Variants in TFDP1 observed in about 807,000 individuals in gnomAD.
TFDP1 encodes transcription factor Dp-1.
In TFDP1, 6 loss-of-function variants were observed where a neutral mutation model predicts 48.0. The ratio of observed to expected loss-of-function variants is 0.13; its 90% CI spans 0.07 to 0.25. TFDP1 has a LOEUF of 0.25. Ranked by LOEUF, TFDP1 falls within the 10% of genes least tolerant of loss-of-function variation. The pLI, the probability that TFDP1 is intolerant of heterozygous loss-of-function variation, is 1.00. For synonymous variants in TFDP1, 201 were observed against 211.6 expected, an observed-to-expected ratio of 0.95 and a Z score of 0.44; for missense variants, 335 against 543.0, an observed-to-expected ratio of 0.62 and a Z score of 3.81.
chr13:113,603,912 G>A (rs879534404), intron 2 of TFDP1, among the ~76,000 whole-genome samples: 2 of 152,034 alleles, frequency 1.3e-5, no homozygotes, highest in Non-Finnish European at 2.9e-5. Context: ...TTAAAAACAC[G>A]AAGCTAGGCC....
chr13:113,596,991 G>A (rs1051495467), intron 2 of TFDP1, among the ~76,000 whole-genome samples: 13 of 152,174 alleles, frequency 8.5e-5, no homozygotes, highest in African/African-American at 3.1e-4. Flanking sequence ...GTCAAACCCC[G>A]CACCTGAGTC....
At chr13:113,597,082 G>C (rs1053393831) in intron 2 of TFDP1, among the ~76,000 whole-genome samples, 1 of 152,140 alleles carries the variant, frequency 6.6e-6, no homozygotes, top group African/African-American at 2.4e-5. Flanking sequence ...TCTGGCCGGG[G>C]TTGCCGCTCC....
At position 113,627,108 on chromosome 13, in the gene TFDP1, T is replaced by C. The variant is rs931329992; in HGVS notation, c.186+3822T>C. On this transcript the variant is annotated intron_variant, in intron 4 of 11. Transcript: ENST00000375370. The surrounding 1 kb of genome is among the most constrained non-coding windows in gnomAD (Gnocchi z 4.1). ...GGCAAATGTTTCTTAAACCTTTTTA[T>C]ATACCAGAGGTTTACAAAAAACTGG... Among the ~76,000 whole-genome samples the C allele has an allele frequency of 1.3e-5, 2 of 152,210 alleles. No individual in the cohort carries two copies. Among genetic ancestry groups the C allele is most frequent in the African/African-American group, 4.8e-5 (2 of 41,446 alleles).
chr13:113,635,645 G>A (rs535030211), intron 8 of TFDP1, among the ~76,000 whole-genome samples: 4 of 152,336 alleles, frequency 2.6e-5, no homozygotes, highest in Admixed American at 1.3e-4. Context: ...TGCCATGGTG[G>A]TAGGTGGTCT....
chr13:113,619,181 C>G (rs1048265932), intron 3 of TFDP1, among the ~76,000 whole-genome samples: 13 of 152,170 alleles, frequency 8.5e-5, no homozygotes, highest in African/African-American at 2.9e-4. Flanking sequence ...TGAATAGAAA[C>G]AAGAAGCCCG....
Position 113,597,426 on chromosome 13 carries a change from T to C in TFDP1, c.12+11577T>C, listed in dbSNP as rs186416442. On this transcript the variant is annotated intron_variant, in intron 2 of 11. Coordinates refer to ENST00000375370, the MANE Select transcript of TFDP1 (RefSeq NM_007111.5). ...TGGCAGCGTGTGCTGCATTTCCCTC[T>C]GGAGGATTTTCCCACCGGAACCTGT... 2.7e-4 allele frequency among the ~76,000 whole-genome samples: 41 copies of C among 152,306 alleles called. No individual in the cohort carries two copies. The East Asian group carries it at 7.8e-3, about 29-fold the overall frequency.
chr13:113,594,925 A>G (rs1024340250), intron 2 of TFDP1, among the ~76,000 whole-genome samples: 48 of 152,228 alleles, frequency 3.2e-4, no homozygotes, highest in African/African-American at 1.0e-3. Context: ...TGTGAGCTGA[A>G]TTGTTAGGGT....
chr13:113,601,358 C>T (rs1314778018), intron 2 of TFDP1, among the ~76,000 whole-genome samples: 1 of 152,262 alleles, frequency 6.6e-6, no homozygotes, highest in Admixed American at 6.5e-5. Context: ...GGTGGGATCC[C>T]GCTCCTTGTG....
chr13:113,589,541 C>G (rs1812893261), intron 2 of TFDP1, among the ~76,000 whole-genome samples: 1 of 152,226 alleles, frequency 6.6e-6, no homozygotes, highest in Non-Finnish European at 1.5e-5. Flanking sequence ...CTTTGAGTTT[C>G]TGAACTGTCC....
At chr13:113,635,761 G>A (rs1180401635) in intron 8 of TFDP1, among the ~76,000 whole-genome samples, 5 of 152,180 alleles carry the variant, frequency 3.3e-5, no homozygotes, top group African/African-American at 1.2e-4. Context: ...CTGTGCGCCC[G>A]CTTTCCCTTA....
intron 3 of TFDP1, among the ~76,000 whole-genome samples, chr13:113,619,481 C>CAAAAAAAAAAAAAAAAAAAAAAAAAAA: frequency 9.0e-6 from 1 of 110,500 alleles, no homozygotes; most frequent in Non-Finnish European, 2.0e-5. Context: ...AAAAAAAAAA[C>CAAAAAAAAAAAAAAAAAAAAAAAAAAA]AAAAAAAAAA....
intron 2 of TFDP1, among the ~76,000 whole-genome samples, chr13:113,601,918 C>T (rs1160412585): frequency 3.7e-5 from 5 of 136,532 alleles, no homozygotes; most frequent in Non-Finnish European, 7.7e-5. Context: ...GACAGAGCTA[C>T]TCCCTCTGTA....
At chr13:113,592,258 C>T (rs1013957285) in intron 2 of TFDP1, among the ~76,000 whole-genome samples, 6 of 152,234 alleles carry the variant, frequency 3.9e-5, no homozygotes, top group African/African-American at 1.2e-4. Context: ...CGGGTTCAAG[C>T]GATTCTCTGA....
At chr13:113,609,987 C>T (rs1440849661) in intron 2 of TFDP1, among the ~76,000 whole-genome samples, 1 of 152,244 alleles carries the variant, frequency 6.6e-6, no homozygotes, top group Non-Finnish European at 1.5e-5. Flanking sequence ...TGGGGACTGA[C>T]ATTTTGTTGG....
At chr13:113,609,974 C>T (rs1179779829) in intron 2 of TFDP1, among the ~76,000 whole-genome samples, 1 of 152,250 alleles carries the variant, frequency 6.6e-6, no homozygotes, top group Admixed American at 6.5e-5. Flanking sequence ...AGAGCCCGGC[C>T]TCTGGGGACT....
At position 113,627,615 on chromosome 13, in the gene TFDP1, G is replaced by T. The variant is rs770794886; in HGVS notation, c.187-4008G>T. Among the ~76,000 whole-genome samples, 16 of 152,154 alleles carry T rather than the reference G, an allele frequency of 1.1e-4. No homozygotes were observed. Among genetic ancestry groups the T allele is most frequent in the Non-Finnish European group, 2.2e-4 (15 of 68,030 alleles). ...AAAAGTGTGCACTTAGGGCAGAAGG[G>T]ATGCCTTAAATCAGGAGTCCCCAAC... is the stretch of plus-strand genomic sequence containing the variant. On this transcript the variant is annotated intron_variant, in intron 4 of 11. Transcript: ENST00000375370. This position sits in a 1 kb window ranked among gnomAD's most constrained non-coding sequence, Gnocchi z 4.1.
At chr13:113,621,255 C>G (rs1024804490) in intron 3 of TFDP1, among the ~76,000 whole-genome samples, 3 of 152,128 alleles carry the variant, frequency 2.0e-5, no homozygotes, top group Non-Finnish European at 4.4e-5. Context: ...TCGGGGAGTT[C>G]TTCTTTCCTG....
At chr13:113,613,740 C>A (rs111206035) in intron 3 of TFDP1, among the ~76,000 whole-genome samples, 9 of 146,370 alleles carry the variant, frequency 6.1e-5, no homozygotes, top group South Asian at 2.2e-4. Context: ...ATGAGTGTGT[C>A]TGTGTGTATG....
At chr13:113,625,641 C>T (rs1338041106) in intron 4 of TFDP1, among the ~76,000 whole-genome samples, 4 of 124,776 alleles carry the variant, frequency 3.2e-5, no homozygotes, top group East Asian at 2.7e-4. Context: ...GCGTCTCTCA[C>T]GTGTCCTCAG....
Sources: gnomAD v4.1 joint callset for allele counts (sites outside exome capture counted in the v4.1 genomes callset) on GRCh38, gnomAD v4.1.1 for gene constraint, Gnocchi (gnomAD v3.1) non-coding constraint, MANE v1.5 for transcripts, NCBI Gene and HGNC (gene_info 2026-07-23, HGNC 2026-07-21) for gene names.